Variants in ANKRD12 observed in about 807,000 individuals in gnomAD.
ANKRD12 encodes the protein ankyrin repeat domain-containing protein 12.
In ANKRD12, 85 loss-of-function variants were observed where a neutral mutation model predicts 183.4. The ratio of observed to expected loss-of-function variants is 0.46; its 90% CI spans 0.39 to 0.56. The LOEUF (loss-of-function observed/expected upper bound fraction) is 0.56, where lower values mean the gene tolerates loss of function less well. ANKRD12 is among the 20% of genes least tolerant of loss of function. ANKRD12 has a pLI of 0.00. For missense variants in ANKRD12, 2,405 were observed against 2,357.1 expected (o/e 1.02, Z -0.42); for synonymous variants, 914 against 800.2 (o/e 1.14, Z -2.40).
chr18:9,235,766 G>C (rs997224060), intron 8 of ANKRD12: 6 of 438,024 alleles, frequency 1.4e-5, no homozygotes, highest in African/African-American at 1.0e-4. Flanking sequence ...CAGATATTTT[G>C]TGTGGAAAAG....
chr18:9,273,518 C>T (rs1598775802), intron 10 of ANKRD12, among the ~76,000 whole-genome samples: 1 of 152,120 alleles, frequency 6.6e-6, no homozygotes, highest in Admixed American at 6.5e-5. Flanking sequence ...AAATTAGAAC[C>T]CTCCCATTGC....
At chr18:9,243,187 TTTAG>T (rs1265820725) in intron 8 of ANKRD12, among the ~76,000 whole-genome samples, 46 of 152,208 alleles carry the variant, frequency 3.0e-4, no homozygotes, top group Admixed American at 3.0e-3. Context: ...ATACATTAGT[TTTAG>T]TTAGTGGGCT....
At chr18:9,143,925 T>C (rs2078407072) in intron 1 of ANKRD12, among the ~76,000 whole-genome samples, 3 of 152,236 alleles carry the variant, frequency 2.0e-5, no homozygotes, top group Admixed American at 2.0e-4. Context: ...CCTTTGAAGC[T>C]CTTCCTCTTC....
At chr18:9,263,160 A>G (rs1487434819) in intron 9 of ANKRD12, among the ~76,000 whole-genome samples, 1 of 152,112 alleles carries the variant, frequency 6.6e-6, no homozygotes, top group Admixed American at 6.5e-5. Context: ...AACCTCCAGC[A>G]TCTACCGGAA....
intron 4 of ANKRD12, among the ~76,000 whole-genome samples, 196 bp from the exon 5 acceptor site, chr18:9,208,461 T>C (rs917567114): frequency 6.6e-6 from 1 of 152,136 alleles, no homozygotes; most frequent in Non-Finnish European, 1.5e-5. Context: ...TAAGAATATA[T>C]TTTTTTCAAA....
intron 8 of ANKRD12, among the ~76,000 whole-genome samples, chr18:9,242,054 C>G (rs970445790): frequency 6.6e-6 from 1 of 152,202 alleles, no homozygotes; most frequent in East Asian, 1.9e-4. Flanking sequence ...TATATACACA[C>G]ACACACACAT....
At position 9,256,733 on chromosome 18, in the gene ANKRD12, C is replaced by A; in HGVS notation, c.3466C>A (p.Pro1156Thr). ...TGATGCATATACCAAGGAGAAACAACCTAAAGATGCTGTAAGTAACAGATC... is the reference window on the plus strand; with the variant it reads ...TGATGCATATACCAAGGAGAAACAAACTAAAGATGCTGTAAGTAACAGATC... ...VTDAYTKEKQ[P>T]KDAVSNRSQS... Residue 1156 changes from proline to threonine, a missense_variant, in exon 9 of 13, where the codon CCT becomes ACT. Around this residue, in one of 7 missense-constraint regions of ANKRD12, gnomAD observed 1,983 missense variants for 1,725.9 expected, o/e 1.15. Transcript: ENST00000262126. 1 of 1,612,570 alleles carries A rather than the reference C, an allele frequency of 6.2e-7. No homozygotes were observed. Among genetic ancestry groups the A allele is most frequent in the Non-Finnish European group, 8.5e-7 (1 of 1,179,526 alleles).
intron 10 of ANKRD12, among the ~76,000 whole-genome samples, chr18:9,264,943 T>C (rs1255943905): frequency 6.6e-6 from 1 of 152,174 alleles, no homozygotes; most frequent in Non-Finnish European, 1.5e-5. Context: ...GATTTCTGCA[T>C]TTCCCACTGA....
chr18:9,217,123 ATAAT>A (rs1176818751), intron 7 of ANKRD12, among the ~76,000 whole-genome samples: 1 of 152,216 alleles, frequency 6.6e-6, no homozygotes, highest in Non-Finnish European at 1.5e-5. Flanking sequence ...AGTTGATTAA[ATAAT>A]TTGGCAAAAT....
intron 10 of ANKRD12, among the ~76,000 whole-genome samples, chr18:9,273,415 A>T (rs545717036): frequency 4.6e-5 from 7 of 152,210 alleles, no homozygotes; most frequent in Admixed American, 2.0e-4. Context: ...TATTCATTAT[A>T]AAACTGCCAA....
intron 2 of ANKRD12, among the ~76,000 whole-genome samples, chr18:9,187,579 A>G (rs564425441): frequency 9.7e-4 from 148 of 152,358 alleles, no homozygotes; most frequent in African/African-American, 3.4e-3. Context: ...ATTGTATTTT[A>G]TAGCAATTTA....
chr18:9,182,364 T>C lies in ANKRD12; in HGVS notation c.-51-18T>C, dbSNP rs73392371. 4,297 of 921,214 alleles carry C rather than the reference T, an allele frequency of 4.7e-3. 139 individuals are homozygous for C. The African/African-American group carries it at 0.066, about 14-fold the overall frequency. 57.1% of individuals were successfully genotyped at this position (921,214 alleles called of 1,614,324 possible). The stretch of plus-strand genomic sequence containing the variant: ...TGTATATATATTCAAATAACCCTTA[T>C]ATATCTATTCTTTACAGATCCAGGA... On this transcript the variant is annotated intron_variant, in intron 1 of 12. Transcript: ENST00000262126.
chr18:9,148,078 C>T (rs745653426), intron 1 of ANKRD12, among the ~76,000 whole-genome samples: 20 of 152,130 alleles, frequency 1.3e-4, no homozygotes, highest in African/African-American at 1.9e-4. Context: ...GTATTTTCTG[C>T]TCCCAGTGCC....
At chr18:9,141,694 TTAACA>T (rs1393072030) in intron 1 of ANKRD12, among the ~76,000 whole-genome samples, 1 of 152,222 alleles carries the variant, frequency 6.6e-6, no homozygotes, top group Non-Finnish European at 1.5e-5. Flanking sequence ...GGCCAATTCC[TTAACA>T]TCTGTTTATT....
intron 1 of ANKRD12, among the ~76,000 whole-genome samples, chr18:9,142,390 T>C (rs1202160112): frequency 1.3e-5 from 2 of 152,194 alleles, no homozygotes; most frequent in African/African-American, 4.8e-5. Flanking sequence ...GTTAAAAGTA[T>C]CTGGAGTAAT....
intron 1 of ANKRD12, among the ~76,000 whole-genome samples, chr18:9,153,756 T>C (rs2029954451): frequency 1.3e-5 from 2 of 152,204 alleles, no homozygotes; most frequent in South Asian, 4.1e-4. Context: ...TCACTTCTAG[T>C]TTCTGTATGT....
intron 5 of ANKRD12, among the ~76,000 whole-genome samples, chr18:9,209,870 A>G (rs2035689560): frequency 6.6e-6 from 1 of 152,218 alleles, no homozygotes; most frequent in Non-Finnish European, 1.5e-5. Context: ...TAAAAGACCA[A>G]CAGACAAAAA....
At chr18:9,146,905 G>T (rs2078511171) in intron 1 of ANKRD12, among the ~76,000 whole-genome samples, 1 of 152,158 alleles carries the variant, frequency 6.6e-6, no homozygotes, top group Non-Finnish European at 1.5e-5. Flanking sequence ...AGACTAAAAG[G>T]CCTAAACAAT....
intron 1 of ANKRD12, among the ~76,000 whole-genome samples, chr18:9,164,665 AGGAGCAGGTT>A (rs1485225752): frequency 6.6e-6 from 1 of 152,162 alleles, no homozygotes; most frequent in African/African-American, 2.4e-5. Flanking sequence ...GGAGTCATTC[AGGAGCAGGTT>A]GTTCAGTTTA....
Sources: gnomAD v4.1 joint callset for allele counts (sites outside exome capture counted in the v4.1 genomes callset) on GRCh38, gnomAD v4.1.1 for gene constraint, gnomAD v4.1.1 regional missense constraint, MANE v1.5 for transcripts, NCBI Gene and HGNC (gene_info 2026-07-23, HGNC 2026-07-21) for gene names.